Variants in SLC35F4 observed in about 807,000 individuals in gnomAD.
The protein encoded by SLC35F4 is chromosome 14 open reading frame 36.
SLC35F4 carries 24 observed loss-of-function variants against 44.2 expected under a neutral mutation model. The observed-to-expected ratio is 0.54, with a 90% confidence interval of 0.39 to 0.76. The LOEUF (loss-of-function observed/expected upper bound fraction) is 0.76. SLC35F4 is among the 30% of genes least tolerant of loss of function. The pLI, the probability that SLC35F4 is intolerant of heterozygous loss-of-function variation, is 0.00. For synonymous variants in SLC35F4, 238 were observed against 223.6 expected (o/e 1.06, Z -0.57); for missense variants, 562 against 586.1 (o/e 0.96, Z 0.42).
chr14:57,638,556 G>A (rs1274018511), intron 1 of SLC35F4, among the ~76,000 whole-genome samples: 1 of 152,090 alleles, frequency 6.6e-6, no homozygotes, highest in Non-Finnish European at 1.5e-5. Context: ...TCCAGTTTCA[G>A]CCAGAGGCTC....
intron 1 of SLC35F4, among the ~76,000 whole-genome samples, chr14:57,911,403 A>G (rs1360119809): frequency 1.3e-5 from 2 of 151,990 alleles, no homozygotes; most frequent in Non-Finnish European, 2.9e-5. Context: ...CCCGTTACGT[A>G]TGATGTTAGC....
At chr14:57,610,181 A>AAGTTTCTG (rs1271422229) in intron 1 of SLC35F4, among the ~76,000 whole-genome samples, 6 of 152,212 alleles carry the variant, frequency 3.9e-5, no homozygotes, top group Non-Finnish European at 7.3e-5. Context: ...GGTGAAGACT[A>AAGTTTCTG]AGTTTCTGCC....
At chr14:57,733,844 C>A (rs573068120) in intron 1 of SLC35F4, among the ~76,000 whole-genome samples, 1 of 152,178 alleles carries the variant, frequency 6.6e-6, no homozygotes, top group African/African-American at 2.4e-5. Flanking sequence ...TAATGCTTGC[C>A]ATTTAGTTTC....
chr14:57,724,352 A>G (rs755399712), intron 1 of SLC35F4, among the ~76,000 whole-genome samples: 9 of 152,156 alleles, frequency 5.9e-5, no homozygotes, highest in Non-Finnish European at 1.3e-4. Context: ...AGGCCCTGCC[A>G]TCTTCTGCAG....
chr14:57,911,643 G>A (rs868679076), intron 1 of SLC35F4, among the ~76,000 whole-genome samples: 5 of 151,850 alleles, frequency 3.3e-5, no homozygotes, highest in African/African-American at 4.8e-5. Context: ...ATCCCACATC[G>A]TCATAGCGTA....
chr14:57,754,626 A>G (rs1203840527), intron 1 of SLC35F4, among the ~76,000 whole-genome samples: 5 of 152,204 alleles, frequency 3.3e-5, no homozygotes, highest in African/African-American at 4.8e-5. Flanking sequence ...GAGATTCGTA[A>G]TAAGTTCTGA....
intron 1 of SLC35F4, among the ~76,000 whole-genome samples, chr14:57,678,695 G>GA (rs201101026): frequency 0.16 from 22,840 of 138,768 alleles, 1,860 homozygotes; most frequent in East Asian, 0.3. Context: ...CAAATGGAAA[G>GA]AAAAAAAAAA....
At chr14:57,762,378 C>G (rs575338106) in intron 1 of SLC35F4, among the ~76,000 whole-genome samples, 94 of 152,182 alleles carry the variant, frequency 6.2e-4, no homozygotes, top group African/African-American at 2.1e-3. Flanking sequence ...AGTGAGAACC[C>G]ATTCTATGTA....
At chr14:57,944,695 AAAAG>A (rs141697627) in intron 1 of SLC35F4, among the ~76,000 whole-genome samples, 17,585 of 115,628 alleles carry the variant, frequency 0.15, 1,269 homozygotes, top group Non-Finnish European at 0.16. Flanking sequence ...AGAAAGAAAG[AAAAG>A]AAAGAAAGAA....
At chr14:57,863,448 A>G (rs1887848617) in intron 1 of SLC35F4, among the ~76,000 whole-genome samples, 1 of 152,246 alleles carries the variant, frequency 6.6e-6, no homozygotes, top group South Asian at 2.1e-4. Context: ...ATAGATATCT[A>G]GAGATTGTCC....
intron 1 of SLC35F4, among the ~76,000 whole-genome samples, chr14:57,756,087 C>G (rs2076988351): frequency 6.6e-6 from 1 of 152,194 alleles, no homozygotes. Context: ...AATTCCTGCT[C>G]TGACCTTTAT....
chr14:57,604,748 C>T (rs1277354368), intron 1 of SLC35F4, among the ~76,000 whole-genome samples: 1 of 152,104 alleles, frequency 6.6e-6, no homozygotes, highest in East Asian at 1.9e-4. Context: ...GGTACTGGTA[C>T]AAAAACAGAC....
At chr14:57,849,957 G>T (rs536544445) in intron 1 of SLC35F4, among the ~76,000 whole-genome samples, 6 of 152,264 alleles carry the variant, frequency 3.9e-5, no homozygotes, top group Admixed American at 3.9e-4. Flanking sequence ...TTGCAGTCTG[G>T]AGCCACAGAT....
chr14:57,909,004 C>T (rs905355762), intron 1 of SLC35F4, among the ~76,000 whole-genome samples: 12 of 152,162 alleles, frequency 7.9e-5, no homozygotes, highest in African/African-American at 2.7e-4. Context: ...CTGCAAATGG[C>T]TAGCCAGTTT....
chr14:57,741,839 C>T (rs2076616995), intron 1 of SLC35F4, among the ~76,000 whole-genome samples: 1 of 152,140 alleles, frequency 6.6e-6, no homozygotes, highest in African/African-American at 2.4e-5. Context: ...TCGGGTTACC[C>T]ACAAAGGGAA....
At chr14:57,621,018 C>A (rs955903948) in intron 1 of SLC35F4, among the ~76,000 whole-genome samples, 1 of 151,126 alleles carries the variant, frequency 6.6e-6, no homozygotes, top group African/African-American at 2.4e-5. Flanking sequence ...TCTTATACAC[C>A]AATAACAGAC....
intron 1 of SLC35F4, among the ~76,000 whole-genome samples, chr14:57,706,001 TTAAC>T (rs2075666114): frequency 6.6e-6 from 1 of 152,148 alleles, no homozygotes; most frequent in Non-Finnish European, 1.5e-5. Context: ...GAAGGCACCT[TTAAC>T]TAAAGAAAGC....
intron 1 of SLC35F4, among the ~76,000 whole-genome samples, chr14:57,599,556 C>T (rs2070689640): frequency 6.6e-6 from 1 of 152,052 alleles, no homozygotes; most frequent in African/African-American, 2.4e-5. Context: ...TTAGAAGAAT[C>T]TGGGGCCGGG....
chr14:57,916,043 G>A (rs1171994294), intron 1 of SLC35F4, among the ~76,000 whole-genome samples: 2 of 152,048 alleles, frequency 1.3e-5, no homozygotes, highest in Non-Finnish European at 1.5e-5. Flanking sequence ...ATCACAAATG[G>A]GTAATTTATA....
Sources: gnomAD v4.1 joint callset for allele counts (sites outside exome capture counted in the v4.1 genomes callset) on GRCh38, gnomAD v4.1.1 for gene constraint, MANE v1.5 for transcripts, NCBI Gene and HGNC (gene_info 2026-07-23, HGNC 2026-07-21) for gene names.